Variants in MRGPRX2 observed in about 807,000 individuals in gnomAD.
MRGPRX2 encodes MAS related GPR family member X2, also known as mas-related G protein-coupled receptor member X2.
For synonymous variants in MRGPRX2, 183 were observed against 175.6 expected (o/e 1.04, Z -0.33); for missense variants, 389 against 404.5 (o/e 0.96, Z 0.33).
In MRGPRX2 at chr11:19,055,759, C is replaced by G; in HGVS notation, c.644G>C (p.Gly215Ala). 6.2e-7 allele frequency: 1 copy of G among 1,614,178 alleles called. No homozygotes were observed. The change falls in exon 2 of 2, where the codon GGT becomes GCT. Residue 215 changes from glycine to alanine, a missense_variant. By Grantham distance (60) the Gly-to-Ala change is moderately conservative (BLOSUM62 0). Coordinates refer to ENST00000329773, the MANE Select transcript of MRGPRX2 (RefSeq NM_054030.4). ...CAGGTACAGCCTGGTCAGTGGCAGA[C>G]CCCTGGAGCCACAGAGGATCCTGAC... ...LLVRILCGSR[G>A]LPLTRLYLTI...
Position 19,055,761 on chromosome 11 carries a change from C to A in MRGPRX2, c.642G>T (p.Arg214Ser). The change falls in exon 2 of 2, where the codon AGG (arginine) becomes AGT (serine). Residue 214 changes from arginine to serine, a missense_variant. By Grantham distance (110) the Arg-to-Ser change is moderately radical. Transcript: ENST00000329773. ...ALLVRILCGS[R>S]GLPLTRLYLT... ...GGTACAGCCTGGTCAGTGGCAGACC[C>A]CTGGAGCCACAGAGGATCCTGACCA... 1.9e-6 allele frequency: 3 copies of A among 1,614,152 alleles called. No homozygotes were observed. Among genetic ancestry groups the A allele is most frequent in the Non-Finnish European group, 2.5e-6 (3 of 1,180,022 alleles).
Position 19,060,666 on chromosome 11 carries a change from C to A in MRGPRX2, c.-73G>T, listed in dbSNP as rs535272527. On this transcript the variant is annotated 5_prime_UTR_variant, in exon 1 of 2. Coordinates refer to ENST00000329773, the MANE Select transcript of MRGPRX2 (RefSeq NM_054030.4). ...GAGTTGGTGAGTTGAGAAGTGCTTT[C>A]CTGGGACTGGCAAACAGCTGAGGAT... The A allele has an allele frequency of 1.8e-4, 28 of 152,430 alleles. No individual in the cohort carries two copies. Among genetic ancestry groups the A allele is most frequent in the African/African-American group, 6.0e-4 (25 of 41,558 alleles). The allele number at this position is 152,430 out of a possible 1,614,324, so 9.4% of individuals were successfully genotyped here.
chr11:19,055,374 C>CCA lies in MRGPRX2; in HGVS notation c.*34_*35dup. Reference sequence around the variant, plus strand: ...ACAGGGGCAAAGTTGCCTCTCAAAGCCACATATATCTGATGGAAGTAGAGG... The same window carrying CCA: ...ACAGGGGCAAAGTTGCCTCTCAAAGCCACACATATATCTGATGGAAGTAGAGG... On this transcript the variant is annotated 3_prime_UTR_variant, in exon 2 of 2. Transcript: ENST00000329773. 2 of 1,554,236 alleles carry CCA rather than the reference C, an allele frequency of 1.3e-6. No homozygotes were observed. The highest frequency in any genetic ancestry group is 1.7e-6 in the Non-Finnish European group (2 of 1,149,476).
In MRGPRX2 at chr11:19,056,355, A is replaced by G. The variant is rs1296333465; in HGVS notation, c.48T>C (p.Asn16=). Residue 16 remains asparagine (N), a synonymous_variant, in exon 2 of 2, where the codon AAT becomes AAC. Transcript: ENST00000329773. Reference sequence around the variant, plus strand: ...GCAGAAGAAGGGCTTGGTCATTTCCATTCACTGTTGTACTTTCTGTTCCCC... The same window carrying G: ...GCAGAAGAAGGGCTTGGTCATTTCCGTTCACTGTTGTACTTTCTGTTCCCC... ...PAWGTESTTV[N]GNDQALLLLC... 6.2e-6 allele frequency: 10 copies of G among 1,614,160 alleles called. No individual in the cohort carries two copies. Among genetic ancestry groups the G allele is most frequent in the Non-Finnish European group, 8.5e-6 (10 of 1,180,006 alleles).
chr11:19,058,671 C>A (rs1471756763), intron 1 of MRGPRX2, among the ~76,000 whole-genome samples: 1 of 152,076 alleles, frequency 6.6e-6, no homozygotes, highest in African/African-American at 2.4e-5. Context: ...TGTGATCTGC[C>A]CGCCTCGGCC....
At chr11:19,058,300 GCTGT>G (rs1286700573) in intron 1 of MRGPRX2, among the ~76,000 whole-genome samples, 3 of 152,202 alleles carry the variant, frequency 2.0e-5, no homozygotes, top group African/African-American at 7.2e-5. Flanking sequence ...TCCATCACAT[GCTGT>G]CTTAGTTCCT....
Position 19,056,304 on chromosome 11 carries a change from C to T in MRGPRX2, c.99G>A (p.Pro33=), listed in dbSNP as rs771220636. Reference sequence around the variant, plus strand: ...GGGCAATGAAAAGGATCAGGAAGACCGGGATCAGGGTCTCCTTGCCACAAA... The same window carrying T: ...GGGCAATGAAAAGGATCAGGAAGACTGGGATCAGGGTCTCCTTGCCACAAA... The part of the protein sequence containing the change: ...LLLCGKETLI[P]VFLILFIALV... Residue 33 remains proline (P), a synonymous_variant, in exon 2 of 2, where the codon CCG becomes CCA. Transcript: ENST00000329773. 4.3e-6 allele frequency: 7 copies of T among 1,614,164 alleles called. No homozygotes were observed. The South Asian group carries it at 5.5e-5, about 13-fold the overall frequency.
At position 19,055,679 on chromosome 11, in the gene MRGPRX2, G is replaced by T. The variant is rs1849608127; in HGVS notation, c.724C>A (p.Gln242Lys). 1.2e-6 allele frequency: 2 copies of T among 1,614,218 alleles called. No homozygotes were observed. The highest frequency in any genetic ancestry group is 4.5e-5 in the East Asian group (2 of 44,880). Residue 242 changes from glutamine to lysine, a missense_variant, in exon 2 of 2, where the codon CAG (glutamine) becomes AAG (lysine). Transcript: ENST00000329773. ...CAGATCCATAATATTAGGAACCACT[G>T]AATGCCAAAGGGCAGGCCGCAGAGG... ...FLLCGLPFGI[Q>K]WFLILWIWKD...
rs1374513805 is a variant in MRGPRX2, at chr11:19,054,752, AAT to A, written c.*656_*657del. Reference sequence around the variant, plus strand: ...GGAAGACAGTGTACCTCAAACTTTAAATATGTGTTGACATTGATTTATCTAAT... The same window carrying A: ...GGAAGACAGTGTACCTCAAACTTTAAATGTGTTGACATTGATTTATCTAAT... On this transcript the variant is annotated 3_prime_UTR_variant, in exon 2 of 2. Transcript: ENST00000329773. 1 of 152,358 alleles carries A rather than the reference AAT, an allele frequency of 6.6e-6. No homozygotes were observed. Among genetic ancestry groups the A allele is most frequent in the African/African-American group, 2.4e-5 (1 of 41,590 alleles). 9.4% of individuals were successfully genotyped at this position (152,358 alleles called of 1,614,324 possible).
At chr11:19,059,882 T>C (rs182895325) in intron 1 of MRGPRX2, among the ~76,000 whole-genome samples, 4 of 152,196 alleles carry the variant, frequency 2.6e-5, no homozygotes, top group Admixed American at 2.6e-4. Context: ...AAGGGACACA[T>C]TGACAGTAGA....
In MRGPRX2 at chr11:19,055,508, C is replaced by A; in HGVS notation, c.895G>T (p.Ala299Ser). ...ATGTCCTGCAGAGCCCTCTGGAGAG[C>A]CAGCTTGAGGATCGGCTGCTGCAGC... is the stretch of plus-strand genomic sequence containing the variant. The part of the protein sequence containing the change: ...WRLQQPILKL[A>S]LQRALQDIAE... Residue 299 changes from alanine (A) to serine (S), a missense_variant, in exon 2 of 2, where the codon GCT becomes TCT. Physicochemically the swap from Ala to Ser is moderately conservative, Grantham distance 99. Transcript: ENST00000329773. 1 of 1,614,172 alleles carries A rather than the reference C, an allele frequency of 6.2e-7. No homozygotes were observed. Among genetic ancestry groups the A allele is most frequent in the Non-Finnish European group, 8.5e-7 (1 of 1,180,024 alleles).
intron 1 of MRGPRX2, among the ~76,000 whole-genome samples, chr11:19,059,807 T>C (rs186616054): frequency 3.9e-5 from 6 of 152,310 alleles, no homozygotes; most frequent in Admixed American, 6.5e-5. Context: ...ATGGGCTGTC[T>C]TTCACTCAGG....
At chr11:19,058,855 G>A (rs1849642829) in intron 1 of MRGPRX2, among the ~76,000 whole-genome samples, 1 of 152,100 alleles carries the variant, frequency 6.6e-6, no homozygotes, top group Non-Finnish European at 1.5e-5. Context: ...GCCATCTATT[G>A]TAATACGCTC....
At position 19,057,555 on chromosome 11, in the gene MRGPRX2, T is replaced by A. The variant is rs117914265; in HGVS notation, c.-25-1128A>T. Among the ~76,000 whole-genome samples the A allele has an allele frequency of 9.3e-3, 1,411 of 152,312 alleles. 14 individuals are homozygous for A. Among genetic ancestry groups the A allele is most frequent in the Non-Finnish European group, 0.014 (927 of 68,032 alleles). On this transcript the variant is annotated intron_variant, in intron 1 of 1. Coordinates refer to ENST00000329773, the MANE Select transcript of MRGPRX2 (RefSeq NM_054030.4). ...AGGTGGACCCATTACTTCCCCCAGA[T>A]GATTTTGAGCTTTCTTTGCAAATTA...
At chr11:19,060,109 A>G (rs1372609040) in intron 1 of MRGPRX2, among the ~76,000 whole-genome samples, 2 of 152,220 alleles carry the variant, frequency 1.3e-5, no homozygotes, top group African/African-American at 4.8e-5. Context: ...TAGCAACGGT[A>G]ACAGCCCTCC....
chr11:19,056,317 T>G lies in MRGPRX2; in HGVS notation c.86A>C (p.Glu29Ala), dbSNP rs1447256947. The G allele has an allele frequency of 6.2e-7, 1 of 1,614,184 alleles. No individual in the cohort carries two copies. Among genetic ancestry groups the G allele is most frequent in the South Asian group, 1.1e-5 (1 of 91,078 alleles). Residue 29 changes from glutamate to alanine, a missense_variant, in exon 2 of 2, where the codon GAG becomes GCG. Coordinates refer to ENST00000329773, the MANE Select transcript of MRGPRX2 (RefSeq NM_054030.4). Reference protein sequence around the residue: ...DQALLLLCGKETLIPVFLILF... With the variant: ...DQALLLLCGKATLIPVFLILF... ...GATCAGGAAGACCGGGATCAGGGTC[T>G]CCTTGCCACAAAGCAGAAGAAGGGC...
chr11:19,055,306 CTG>C lies in MRGPRX2; in HGVS notation c.*102_*103del. 1.6e-6 allele frequency: 2 copies of C among 1,219,100 alleles called. No homozygotes were observed. Among genetic ancestry groups the C allele is most frequent in the Non-Finnish European group, 2.3e-6 (2 of 864,614 alleles). The allele number at this position is 1,219,100 out of a possible 1,614,324, so 75.5% of individuals were successfully genotyped here. A position where few individuals can be genotyped will look rare whatever the true frequency, so the allele number is the denominator to read the frequency against. ...TTAATCCTCACAAGGACTCTCTTAACTGTTTTAAAATCAGGACTGAGAAAGTT... is the reference window on the plus strand; with the variant it reads ...TTAATCCTCACAAGGACTCTCTTAACTTTTAAAATCAGGACTGAGAAAGTT... On this transcript the variant is annotated 3_prime_UTR_variant, in exon 2 of 2. Transcript: ENST00000329773.
At chr11:19,058,929 C>T (rs189512371) in intron 1 of MRGPRX2, among the ~76,000 whole-genome samples, 2 of 152,300 alleles carry the variant, frequency 1.3e-5, no homozygotes, top group Admixed American at 6.5e-5. Context: ...TGGTGAAAAG[C>T]AGGTCCAATA....
intron 1 of MRGPRX2, among the ~76,000 whole-genome samples, chr11:19,058,696 G>C (rs1406054905): frequency 1.3e-5 from 2 of 152,072 alleles, no homozygotes; most frequent in African/African-American, 4.8e-5. Context: ...AAAGTGCCAG[G>C]ATTACAGGCG....
Sources: allele counts gnomAD v4.1 joint callset (sites outside exome capture counted in the v4.1 genomes callset), GRCh38; gene constraint gnomAD v4.1.1; transcripts MANE v1.5; gene names NCBI Gene and HGNC (gene_info 2026-07-23, HGNC 2026-07-21).